The following GADL1 variants were observed in gnomAD, a reference collection of about 807,000 sequenced individuals.
GADL1 encodes the protein acidic amino acid decarboxylase GADL1.
A neutral mutation model predicts 69.5 loss-of-function variants in GADL1; 71 were observed. The observed-to-expected ratio is 1.02, with a 90% CI of 0.84 to 1.25. GADL1 has a LOEUF of 1.25. Among genes scored for constraint, GADL1 ranks in the 50% most tolerant of loss-of-function variants. The probability of loss-of-function intolerance (pLI) is 0.00; values close to 1 mark genes in which losing one functional copy is unlikely to be tolerated. For synonymous variants in GADL1, 254 were observed against 214.4 expected (o/e 1.18, Z -1.62); for missense variants, 737 against 631.8 (o/e 1.17, Z -1.79).
intron 12 of GADL1, among the ~76,000 whole-genome samples, chr3:30,796,564 G>A (rs1697036473): frequency 6.6e-6 from 1 of 152,118 alleles, no homozygotes; most frequent in South Asian, 2.1e-4. Flanking sequence ...GGATTGTTGA[G>A]AGAGGAGTAC....
At chr3:30,741,202 G>GTGTGTGTGTA (rs1695621604) in intron 14 of GADL1, among the ~76,000 whole-genome samples, 1 of 146,534 alleles carries the variant, frequency 6.8e-6, no homozygotes, top group Non-Finnish European at 1.5e-5. Flanking sequence ...GTGTGTGTGT[G>GTGTGTGTGTA]TGTGTGTGTG....
chr3:30,807,249 A>G (rs989565866), intron 11 of GADL1, among the ~76,000 whole-genome samples: 4 of 151,968 alleles, frequency 2.6e-5, no homozygotes, highest in African/African-American at 7.3e-5. Flanking sequence ...GGTTTACTTT[A>G]TTTCCCCAGG....
intron 8 of GADL1, among the ~76,000 whole-genome samples, chr3:30,840,407 C>T (rs1001091565): frequency 2.6e-5 from 4 of 152,092 alleles, no homozygotes; most frequent in Non-Finnish European, 1.5e-5. Flanking sequence ...TAGAATCAAT[C>T]CCATCTACCC....
intron 14 of GADL1, 33 bp from the exon 15 acceptor site, chr3:30,728,448 G>A (rs1575175602): frequency 2.5e-6 from 4 of 1,578,396 alleles, no homozygotes. Flanking sequence ...AGGGGTGAAA[G>A]ACCAGAACAT....
chr3:30,820,160 T>G (rs1697546465), intron 11 of GADL1, among the ~76,000 whole-genome samples: 1 of 151,892 alleles, frequency 6.6e-6, no homozygotes, highest in Non-Finnish European at 1.5e-5. Context: ...GGTTAATCAG[T>G]AATACAGAAA....
intron 10 of GADL1, 120 bp downstream of exon 10, chr3:30,834,097 G>T (rs1328642759): frequency 4.0e-6 from 4 of 1,008,952 alleles, no homozygotes; most frequent in East Asian, 2.4e-5. Flanking sequence ...GGGATTTTTT[G>T]TTGTTGTTTA....
intron 13 of GADL1, among the ~76,000 whole-genome samples, chr3:30,780,354 G>T (rs1373380766): frequency 6.6e-6 from 1 of 152,140 alleles, no homozygotes; most frequent in Admixed American, 6.5e-5. Context: ...CTCTGAAGAG[G>T]TCTAGACCTC....
At position 30,845,179 on chromosome 3, in the gene GADL1, T is replaced by C. The variant is rs573231616; in HGVS notation, c.652-713A>G. On this transcript the variant is annotated intron_variant, in intron 6 of 14. Transcript: ENST00000282538. Reference sequence around the variant, plus strand: ...ATAGACAAACTACTTTACTCAGCTATGGCATGAGTGAGGCTAATAGATGAA... The same window carrying C: ...ATAGACAAACTACTTTACTCAGCTACGGCATGAGTGAGGCTAATAGATGAA... Among the ~76,000 whole-genome samples the C allele has an allele frequency of 9.3e-4, 142 of 152,308 alleles. 1 individual carries two copies. The highest frequency in any genetic ancestry group is 6.5e-3 in the Admixed American group (100 of 15,296).
At chr3:30,880,913 GT>G (rs1463396869) in intron 1 of GADL1, among the ~76,000 whole-genome samples, 2 of 151,954 alleles carry the variant, frequency 1.3e-5, no homozygotes, top group Admixed American at 6.6e-5. Flanking sequence ...ATAAAAAAGA[GT>G]GAAACATAAT....
chr3:30,810,815 C>T (rs952167276), intron 11 of GADL1, among the ~76,000 whole-genome samples: 6 of 152,036 alleles, frequency 3.9e-5, no homozygotes, highest in South Asian at 2.1e-4. Context: ...CAGCAAAATG[C>T]GCAAAGGAAA....
chr3:30,747,460 T>C (rs955461768), intron 14 of GADL1, among the ~76,000 whole-genome samples: 2 of 152,108 alleles, frequency 1.3e-5, no homozygotes, highest in Non-Finnish European at 2.9e-5. Flanking sequence ...TTGAGTAGAG[T>C]CTGACACCTC....
At chr3:30,749,730 A>G (rs996846882) in intron 14 of GADL1, among the ~76,000 whole-genome samples, 2 of 152,236 alleles carry the variant, frequency 1.3e-5, no homozygotes, top group Non-Finnish European at 2.9e-5. Flanking sequence ...GAAGGCAGGC[A>G]GAAGTCCTCT....
At chr3:30,747,474 A>G (rs1695724601) in intron 14 of GADL1, among the ~76,000 whole-genome samples, 2 of 152,204 alleles carry the variant, frequency 1.3e-5, no homozygotes, top group Admixed American at 1.3e-4. Flanking sequence ...ACACCTCACA[A>G]ACTTAGCAAT....
intron 13 of GADL1, among the ~76,000 whole-genome samples, 197 bp from the exon 14 acceptor site, chr3:30,778,465 C>T (rs981648645): frequency 3.9e-5 from 6 of 152,138 alleles, no homozygotes; most frequent in African/African-American, 1.2e-4. Flanking sequence ...CCATAGCGTG[C>T]ACCTAGCAGG....
chr3:30,820,943 C>T (rs1697567186), intron 11 of GADL1, among the ~76,000 whole-genome samples: 1 of 151,848 alleles, frequency 6.6e-6, no homozygotes, highest in South Asian at 2.1e-4. Context: ...CAATGATAGA[C>T]TGGATTAAGA....
chr3:30,806,915 A>AT (rs1697266560), intron 11 of GADL1, among the ~76,000 whole-genome samples: 1 of 152,216 alleles, frequency 6.6e-6, no homozygotes, highest in African/African-American at 2.4e-5. Flanking sequence ...TCCTACAGAT[A>AT]TTACAACTTA....
chr3:30,859,577 G>C (rs1698284385), intron 2 of GADL1, among the ~76,000 whole-genome samples: 1 of 151,844 alleles, frequency 6.6e-6, no homozygotes. Flanking sequence ...ATATAGAACA[G>C]TTCCATCATA....
At chr3:30,770,461 A>T (rs1696391645) in intron 14 of GADL1, among the ~76,000 whole-genome samples, 2 of 152,224 alleles carry the variant, frequency 1.3e-5, no homozygotes, top group African/African-American at 4.8e-5. Flanking sequence ...TAGTATACTC[A>T]TGCCTCATGT....
intron 11 of GADL1, among the ~76,000 whole-genome samples, chr3:30,833,628 G>A (rs1255021259): frequency 1.3e-5 from 2 of 152,130 alleles, no homozygotes; most frequent in South Asian, 2.1e-4. Context: ...TAACTAATGA[G>A]ATTATATAAT....
Sources: gnomAD v4.1 joint callset for allele counts (sites outside exome capture counted in the v4.1 genomes callset) on GRCh38, gnomAD v4.1.1 for gene constraint, MANE v1.5 for transcripts, NCBI Gene and HGNC (gene_info 2026-07-23, HGNC 2026-07-21) for gene names.